ARID1A: variants seen among roughly 807,000 people sequenced by gnomAD.
The protein encoded by ARID1A is AT-rich interactive domain-containing protein 1A.
ARID1A carries 20 observed loss-of-function variants against 212.6 expected under a neutral mutation model. The ratio of observed to expected loss-of-function variants is 0.09; its 90% CI spans 0.07 to 0.14. ARID1A has a LOEUF of 0.14. Among genes scored for constraint, ARID1A ranks in the 10% least tolerant of loss-of-function variants. ARID1A has a pLI of 1.00. For synonymous variants in ARID1A, 1,376 were observed against 1,222.1 expected, an observed-to-expected ratio of 1.13 and a Z score of -2.63; for missense variants, 2,587 against 3,059.0, an observed-to-expected ratio of 0.85 and a Z score of 3.64.
At chr1:26,715,790 A>G (rs1483069141) in intron 1 of ARID1A, among the ~76,000 whole-genome samples, 3 of 151,848 alleles carry the variant, frequency 2.0e-5, no homozygotes, top group Non-Finnish European at 2.9e-5. Context: ...GGAAGATCAC[A>G]TGAGCCCTGG....
At chr1:26,734,305 T>TGCTTCTG (rs2080707876) in intron 4 of ARID1A, among the ~76,000 whole-genome samples, 1 of 152,066 alleles carries the variant, frequency 6.6e-6, no homozygotes, top group Non-Finnish European at 1.5e-5. Context: ...AGTTTTTGCT[T>TGCTTCTG]GCTTCTGGTG....
At chr1:26,716,203 C>CAAAAA (rs111787612) in intron 1 of ARID1A, among the ~76,000 whole-genome samples, 2 of 64,920 alleles carry the variant, frequency 3.1e-5, no homozygotes, top group Non-Finnish European at 3.1e-5. Flanking sequence ...GATTCCGTCT[C>CAAAAA]AAAAAAAAAA....
chr1:26,747,684 CAAAAAAA>C (rs36091006), intron 4 of ARID1A, among the ~76,000 whole-genome samples: 12 of 124,450 alleles, frequency 9.6e-5, no homozygotes, highest in East Asian at 4.6e-4. Flanking sequence ...CCATCTCTAC[CAAAAAAA>C]AAAAAAAAAA....
chr1:26,761,985 C>G (rs1557608565), intron 6 of ARID1A, among the ~76,000 whole-genome samples, 167 bp from the exon 7 acceptor site: 1 of 152,180 alleles, frequency 6.6e-6, no homozygotes, highest in East Asian at 1.9e-4. Context: ...GTTCATGTCA[C>G]TCTGAAGGTG....
intron 1 of ARID1A, among the ~76,000 whole-genome samples, chr1:26,707,845 A>AG (rs2080408235): frequency 6.6e-6 from 1 of 152,192 alleles, no homozygotes; most frequent in South Asian, 2.1e-4. Flanking sequence ...AGCTGGTAAA[A>AG]GGTAGAGTTG....
intron 1 of ARID1A, among the ~76,000 whole-genome samples, chr1:26,714,377 T>C (rs558367198): frequency 1.3e-4 from 20 of 152,092 alleles, no homozygotes; most frequent in Admixed American, 1.2e-3. Context: ...AACCTGAGGA[T>C]TTGGATGCAT....
At chr1:26,703,719 T>A (rs2080360731) in intron 1 of ARID1A, among the ~76,000 whole-genome samples, 1 of 152,206 alleles carries the variant, frequency 6.6e-6, no homozygotes, top group African/African-American at 2.4e-5. Flanking sequence ...AGAGCATAGT[T>A]TCTAAGTCAG....
At chr1:26,742,546 A>G (rs1025926383) in intron 4 of ARID1A, among the ~76,000 whole-genome samples, 3 of 152,174 alleles carry the variant, frequency 2.0e-5, no homozygotes, top group African/African-American at 7.2e-5. Flanking sequence ...CTTGCTAGAA[A>G]TGTAGATTTT....
chr1:26,774,781 C>A lies in ARID1A; in HGVS notation c.4554C>A (p.Pro1518=), dbSNP rs747997193. ...YANRQSTGSA[P]QGPAYHGVNR... is the part of the protein sequence containing the mutation. Reference sequence around the variant, plus strand: ...ACAGGCAGAGCACGGGCTCTGCCCCCCAGGGCCCCGCCTATCATGGCGTGA... The same window carrying A: ...ACAGGCAGAGCACGGGCTCTGCCCCACAGGGCCCCGCCTATCATGGCGTGA... Residue 1518 remains proline, a synonymous_variant, in exon 18 of 20, where the codon CCC becomes CCA. Transcript: ENST00000324856. This position sits in a 1 kb window ranked among gnomAD's most constrained non-coding sequence, Gnocchi z 5.6. 1.2e-6 allele frequency: 2 copies of A among 1,614,206 alleles called. No individual in the cohort carries two copies. The highest frequency in any genetic ancestry group is 1.1e-5 in the South Asian group (1 of 91,084).
At chr1:26,760,303 T>G (rs1322376012) in intron 4 of ARID1A, among the ~76,000 whole-genome samples, 1 of 152,174 alleles carries the variant, frequency 6.6e-6, no homozygotes, top group Non-Finnish European at 1.5e-5. Context: ...GTGTCAGAGT[T>G]GAGTAGTTTT....
At position 26,696,990 on chromosome 1, in the gene ARID1A, C is replaced by A. The variant is rs1352086990; in HGVS notation, c.587C>A (p.Ala196Glu). The change falls in exon 1 of 20, where the codon GCG becomes GAG. Residue 196 changes from alanine to glutamate, a missense_variant. Ala to Glu is a moderately radical substitution (Grantham distance 107, BLOSUM62 -1). Around this residue, in one of 11 missense-constraint regions of ARID1A, gnomAD observed 735 missense variants for 590.6 expected, o/e 1.24. Coordinates refer to ENST00000324856, the MANE Select transcript of ARID1A (RefSeq NM_006015.6). ...GGCGGCGGGGGCCTGGAGCCCTACG[C>A]GGGGCCCCAGCAGAACTCTCACGAC... ...SGGGGGLEPY[A>E]GPQQNSHDHG... 6.6e-7 allele frequency: 1 copy of A among 1,512,606 alleles called. No homozygotes were observed. Among genetic ancestry groups the A allele is most frequent in the Admixed American group, 2.2e-5 (1 of 44,538 alleles). The allele number at this position is 1,512,606 out of a possible 1,614,324, so 93.7% of individuals were successfully genotyped here.
Position 26,780,530 on chromosome 1 carries a change from G to A in ARID1A, c.6632G>A (p.Ser2211Asn), listed in dbSNP as rs749644171. 1.4e-5 allele frequency: 22 copies of A among 1,614,050 alleles called. No individual in the cohort carries two copies. The highest frequency in any genetic ancestry group is 1.0e-4 in the Admixed American group (6 of 60,006). The change falls in exon 20 of 20, where the codon AGC (serine) becomes AAC (asparagine). Residue 2211 changes from serine (S) to asparagine (N), a missense_variant. Transcript: ENST00000324856. This position sits in a 1 kb window ranked among gnomAD's most constrained non-coding sequence, Gnocchi z 7.2. The stretch of plus-strand genomic sequence containing the variant: ...CTTGCCGCCACACAGTTCCAGCAGA[G>A]CCAGGCCAGCCTCCTCCACATGCAG... ...DSLAATQFQQ[S>N]QASLLHMQNP...
Position 26,739,278 on chromosome 1 carries a change from A to G in ARID1A, c.1920+6486A>G, listed in dbSNP as rs368368610. Among the ~76,000 whole-genome samples the G allele has an allele frequency of 2.5e-4, 38 of 152,242 alleles. 1 individual carries two copies. Among genetic ancestry groups the G allele is most frequent in the East Asian group, 1.2e-3 (6 of 5,202 alleles). Reference sequence around the variant, plus strand: ...TAGGATAGAGTAATGGAAAATGGATACAGGATTGAAAGCTGTGATCTGAAG... The same window carrying G: ...TAGGATAGAGTAATGGAAAATGGATGCAGGATTGAAAGCTGTGATCTGAAG... On this transcript the variant is annotated intron_variant, in intron 4 of 19. Transcript: ENST00000324856.
At chr1:26,778,429 T>C (rs1200270919) in intron 19 of ARID1A, 1 of 152,252 alleles carries the variant, frequency 6.6e-6, no homozygotes. Context: ...GCCTATATAT[T>C]ATCCAAGGTG....
chr1:26,729,882 T>G lies in ARID1A; in HGVS notation c.1350+19T>G. The G allele has an allele frequency of 6.2e-7, 1 of 1,607,924 alleles. No individual in the cohort carries two copies. The highest frequency in any genetic ancestry group is 8.5e-7 in the Non-Finnish European group (1 of 1,175,494). On this transcript the variant is annotated intron_variant, in intron 2 of 19. Coordinates refer to ENST00000324856, the MANE Select transcript of ARID1A (RefSeq NM_006015.6). ...ACAGCAGGTAGATGGTGATTGTGAT[T>G]ACCTTGACCCTTGTTGCTGTCCAAA...
At chr1:26,733,602 A>G (rs547225157) in intron 4 of ARID1A, among the ~76,000 whole-genome samples, 1 of 152,280 alleles carries the variant, frequency 6.6e-6, no homozygotes, top group African/African-American at 2.4e-5. Flanking sequence ...GGTTGTAGGA[A>G]CCTTTACTGT....
intron 1 of ARID1A, among the ~76,000 whole-genome samples, chr1:26,716,626 T>C (rs1030925050): frequency 2.0e-5 from 3 of 152,012 alleles, no homozygotes; most frequent in African/African-American, 7.2e-5. Flanking sequence ...TCTTCTGTTT[T>C]GTTTTTGTTT....
chr1:26,775,109 G>A lies in ARID1A; in HGVS notation c.4882G>A (p.Ala1628Thr). ...AGTACCTGCCTCGCACATAGCACCT[G>A]CCCCTGTGCAGCCCCCCATGATTCG... ...PPVPASHIAP[A>T]PVQPPMIRRD... is the part of the protein sequence containing the mutation. The change falls in exon 18 of 20, where the codon GCC (alanine) becomes ACC (threonine). Residue 1628 changes from alanine to threonine, a missense_variant. Ala to Thr is a moderately conservative substitution (Grantham distance 58, BLOSUM62 0). Coordinates refer to ENST00000324856, the MANE Select transcript of ARID1A (RefSeq NM_006015.6). 1 of 1,614,094 alleles carries A rather than the reference G, an allele frequency of 6.2e-7. No individual in the cohort carries two copies. The highest frequency in any genetic ancestry group is 8.5e-7 in the Non-Finnish European group (1 of 1,179,996).
chr1:26,712,080 A>G (rs767445683), intron 1 of ARID1A, among the ~76,000 whole-genome samples: 34 of 151,180 alleles, frequency 2.2e-4, no homozygotes, highest in Non-Finnish European at 4.2e-4. Flanking sequence ...GACCCTGTCT[A>G]TATACAGAAA....
Sources: allele counts gnomAD v4.1 joint callset (sites outside exome capture counted in the v4.1 genomes callset), GRCh38; gene constraint gnomAD v4.1.1; regional missense constraint gnomAD v4.1.1; non-coding constraint Gnocchi (gnomAD v3.1); transcripts MANE v1.5; gene names NCBI Gene and HGNC (gene_info 2026-07-23, HGNC 2026-07-21).